TACR1: variants seen among roughly 807,000 people sequenced by gnomAD.
TACR1 encodes the protein substance-P receptor.
In TACR1, 25 loss-of-function variants were observed where a neutral mutation model predicts 35.8. The observed-to-expected ratio is 0.70, with a 90% confidence interval of 0.51 to 0.98. The LOEUF (loss-of-function observed/expected upper bound fraction) is 0.98, where lower values mean the gene tolerates loss of function less well. Among genes scored for constraint, TACR1 ranks in the 50% least tolerant of loss-of-function variants. The probability of loss-of-function intolerance (pLI) is 0.00; values close to 1 mark genes in which losing one functional copy is unlikely to be tolerated. For synonymous variants in TACR1, 195 were observed against 206.7 expected, an observed-to-expected ratio of 0.94 and a Z score of 0.48; for missense variants, 478 against 522.9, an observed-to-expected ratio of 0.91 and a Z score of 0.84.
chr2:75,195,330 C>G (rs955560631), intron 1 of TACR1, among the ~76,000 whole-genome samples: 1 of 151,730 alleles, frequency 6.6e-6, no homozygotes, highest in Non-Finnish European at 1.5e-5. Flanking sequence ...TCTTCCCTCC[C>G]CTCCTCTCCT....
Position 75,152,963 on chromosome 2 carries a change from C to T in TACR1, c.390-32195G>A, listed in dbSNP as rs534220303. On this transcript the variant is annotated intron_variant, in intron 1 of 4. Transcript: ENST00000305249. The stretch of plus-strand genomic sequence containing the variant: ...CTGTCACCAGGCTGGAGTGCAGTAG[C>T]GCAATCTCGGCTCACTGCAACCTCT... 3.9e-5 allele frequency among the ~76,000 whole-genome samples: 6 copies of T among 152,320 alleles called. No homozygotes were observed. In the East Asian group the frequency reaches 9.6e-4, roughly 24 times the overall value.
At chr2:75,062,893 A>G (rs894363958) in intron 2 of TACR1, among the ~76,000 whole-genome samples, 2 of 152,028 alleles carry the variant, frequency 1.3e-5, no homozygotes, top group Admixed American at 6.5e-5. Context: ...TTATAATTGT[A>G]TTAGTCTGTT....
chr2:75,130,959 G>A (rs767608579), intron 1 of TACR1, among the ~76,000 whole-genome samples: 8 of 152,168 alleles, frequency 5.3e-5, no homozygotes, highest in African/African-American at 1.4e-4. Flanking sequence ...ACAAAAGGTC[G>A]AGTAATAGCT....
chr2:75,160,374 T>C (rs970234062), intron 1 of TACR1, among the ~76,000 whole-genome samples: 2 of 152,150 alleles, frequency 1.3e-5, no homozygotes, highest in African/African-American at 4.8e-5. Context: ...CTTTGTTTGA[T>C]TTATTTGTTA....
intron 1 of TACR1, among the ~76,000 whole-genome samples, chr2:75,134,437 C>T (rs1482367816): frequency 1.3e-5 from 2 of 152,156 alleles, no homozygotes; most frequent in Non-Finnish European, 2.9e-5. Context: ...GAGAAGGACA[C>T]ACATGATAAT....
chr2:75,195,598 A>G (rs1675950775), intron 1 of TACR1, among the ~76,000 whole-genome samples: 1 of 152,226 alleles, frequency 6.6e-6, no homozygotes, highest in African/African-American at 2.4e-5. Flanking sequence ...TTAAAATGAG[A>G]AGATATAGCT....
At chr2:75,070,280 T>C (rs1256283993) in intron 2 of TACR1, among the ~76,000 whole-genome samples, 2 of 151,622 alleles carry the variant, frequency 1.3e-5, no homozygotes, top group Admixed American at 6.6e-5. Flanking sequence ...TTTTGAGCAC[T>C]TCTTTTCTGG....
At chr2:75,189,443 G>A (rs1253573165) in intron 1 of TACR1, 1 of 152,212 alleles carries the variant, frequency 6.6e-6, no homozygotes, top group Non-Finnish European at 1.5e-5. Flanking sequence ...TGTAAGTAGT[G>A]CATGTGTAGT....
chr2:75,124,503 C>T (rs3771819), intron 1 of TACR1, among the ~76,000 whole-genome samples: 73,196 of 151,982 alleles, frequency 0.48, 18,445 homozygotes, highest in Non-Finnish European at 0.54. Context: ...TAAGGGACCA[C>T]ATCTTCCTGA....
At chr2:75,184,226 A>G (rs562923653) in intron 1 of TACR1, among the ~76,000 whole-genome samples, 22 of 152,306 alleles carry the variant, frequency 1.4e-4, no homozygotes, top group Non-Finnish European at 2.8e-4. Flanking sequence ...AAATGTATTA[A>G]TAGATGGCAA....
At chr2:75,172,590 T>G (rs1675316083) in intron 1 of TACR1, among the ~76,000 whole-genome samples, 1 of 151,878 alleles carries the variant, frequency 6.6e-6, no homozygotes, top group South Asian at 2.1e-4. Flanking sequence ...TGCAGTACCC[T>G]AGAAGTTGTA....
At chr2:75,164,471 C>T (rs552080989) in intron 1 of TACR1, among the ~76,000 whole-genome samples, 5 of 151,828 alleles carry the variant, frequency 3.3e-5, no homozygotes, top group South Asian at 4.2e-4. Flanking sequence ...GAAAATTGAA[C>T]GCAGTACGTG....
chr2:75,096,338 CT>C (rs1673424425), intron 2 of TACR1, among the ~76,000 whole-genome samples: 1 of 152,196 alleles, frequency 6.6e-6, no homozygotes, highest in South Asian at 2.1e-4. Context: ...GTGGAGGCTC[CT>C]TAGAACTCCC....
intron 1 of TACR1, among the ~76,000 whole-genome samples, chr2:75,148,672 G>A (rs1674601024): frequency 6.6e-6 from 1 of 151,834 alleles, no homozygotes. Flanking sequence ...TCTGTAGGTT[G>A]CCTGTTCATT....
chr2:75,127,188 T>A (rs1674090582), intron 1 of TACR1, among the ~76,000 whole-genome samples: 2 of 152,156 alleles, frequency 1.3e-5, no homozygotes, highest in African/African-American at 2.4e-5. Context: ...ATTTCATCAG[T>A]TGAGATTTTC....
At chr2:75,095,857 A>G (rs1471928192) in intron 2 of TACR1, among the ~76,000 whole-genome samples, 4 of 152,158 alleles carry the variant, frequency 2.6e-5, no homozygotes, top group Non-Finnish European at 5.9e-5. Flanking sequence ...CAGGTGGTAC[A>G]GCTACAAGAT....
chr2:75,097,198 A>G (rs1257543332), intron 2 of TACR1, among the ~76,000 whole-genome samples: 1 of 152,186 alleles, frequency 6.6e-6, no homozygotes, highest in Non-Finnish European at 1.5e-5. Context: ...TTAATTTTTC[A>G]TGGGAGTGAT....
chr2:75,073,662 G>C (rs552225569), intron 2 of TACR1, among the ~76,000 whole-genome samples: 1 of 152,168 alleles, frequency 6.6e-6, no homozygotes, highest in South Asian at 2.1e-4. Flanking sequence ...CAGTGGGTCT[G>C]GGGGGAGGTG....
chr2:75,177,645 C>T (rs916931748), intron 1 of TACR1, among the ~76,000 whole-genome samples: 4 of 152,234 alleles, frequency 2.6e-5, no homozygotes, highest in Middle Eastern at 3.4e-3. Flanking sequence ...TCTTTGTTTA[C>T]CTCACTTAGA....
Sources: allele counts gnomAD v4.1 joint callset (sites outside exome capture counted in the v4.1 genomes callset), GRCh38; gene constraint gnomAD v4.1.1; transcripts MANE v1.5; gene names NCBI Gene and HGNC (gene_info 2026-07-23, HGNC 2026-07-21).